BHMT: variants seen among roughly 807,000 people sequenced by gnomAD.
The protein encoded by BHMT is betaine--homocysteine S-methyltransferase.
BHMT carries 38 observed loss-of-function variants against 49.5 expected under a neutral mutation model. That is an observed-to-expected ratio of 0.77 (90% CI 0.59 to 1.01). The LOEUF (loss-of-function observed/expected upper bound fraction) is 1.01, where lower values mean the gene tolerates loss of function less well. Ranked by LOEUF, BHMT falls within the 50% of genes least tolerant of loss-of-function variation. BHMT has a pLI of 0.00. For missense variants in BHMT, 426 were observed against 495.7 expected, an observed-to-expected ratio of 0.86 and a Z score of 1.34; for synonymous variants, 166 against 176.3, an observed-to-expected ratio of 0.94 and a Z score of 0.46.
At chr5:79,121,642 A>G (rs902390087) in intron 5 of BHMT, among the ~76,000 whole-genome samples, 6 of 151,472 alleles carry the variant, frequency 4.0e-5, no homozygotes, top group Non-Finnish European at 8.8e-5. Context: ...GTGAAACCCC[A>G]CCTCTACTAA....
In BHMT at chr5:79,121,283, G is replaced by A; in HGVS notation, c.543G>A (p.Val181=). 1 of 1,614,200 alleles carries A rather than the reference G, an allele frequency of 6.2e-7. No homozygotes were observed. The change falls in exon 5 of 8, where the codon GTG becomes GTA. Residue 181 remains valine (V), a synonymous_variant. Transcript: ENST00000274353. ...CCTTGATAGCATCCGGTAAACCTGT[G>A]GCAGCAACCATGTGCATTGGCCCAG... The part of the protein sequence containing the change: ...VETLIASGKP[V]AATMCIGPEG...
chr5:79,113,296 T>C (rs1278833994), intron 1 of BHMT, among the ~76,000 whole-genome samples: 3 of 152,160 alleles, frequency 2.0e-5, no homozygotes, highest in Non-Finnish European at 4.4e-5. Flanking sequence ...ATGATTCCTA[T>C]AGATATAGAT....
Position 79,115,954 on chromosome 5 carries a change from A to G in BHMT, c.166+55A>G, listed in dbSNP as rs1756381239. Reference sequence around the variant, plus strand: ...ATAAAGGAGCCGGGTGTGGAGGCTCATGCCTGTAATCCCAGCAACTCAGGA... The same window carrying G: ...ATAAAGGAGCCGGGTGTGGAGGCTCGTGCCTGTAATCCCAGCAACTCAGGA... On this transcript the variant is annotated intron_variant, in intron 2 of 7. Transcript: ENST00000274353. 5 of 1,529,416 alleles carry G rather than the reference A, an allele frequency of 3.3e-6. No individual in the cohort carries two copies. The East Asian group carries it at 1.2e-4, about 36-fold the overall frequency. The allele number at this position is 1,529,416 out of a possible 1,614,324, so 94.7% of individuals were successfully genotyped here. A position where few individuals can be genotyped will look rare whatever the true frequency, so the allele number is the denominator to read the frequency against.
At chr5:79,116,464 G>C (rs1036187636) in intron 2 of BHMT, 2 of 152,164 alleles carry the variant, frequency 1.3e-5, no homozygotes, top group African/African-American at 4.8e-5. Flanking sequence ...CCCTGAAGCA[G>C]CTCCCATTGA....
rs776825529 is a variant in BHMT, at chr5:79,121,351, G to A, written c.611G>A (p.Arg204His). 8.1e-6 allele frequency: 13 copies of A among 1,614,128 alleles called. 1 individual carries two copies. The South Asian group carries it at 8.8e-5, about 11-fold the overall frequency. Residue 204 changes from arginine (R) to histidine (H), a missense_variant, in exon 5 of 8, where the codon CGC becomes CAC. This residue lies in a region of BHMT where 321 missense variants were observed against 355.9 expected (regional missense o/e 0.90). Transcript: ENST00000274353. ...GTGCCCCCCGGCGAGTGTGCAGTGC[G>A]CCTGGTGAAAGCAGGTGATGATAGA... Reference protein sequence around the residue: ...HGVPPGECAVRLVKAGASIIG... With the variant: ...HGVPPGECAVHLVKAGASIIG...
intron 7 of BHMT, 191 bp downstream of exon 7, chr5:79,128,174 T>G: frequency 3.8e-6 from 3 of 793,166 alleles, no homozygotes; most frequent in Non-Finnish European, 5.7e-6. Context: ...ATAGAACGTA[T>G]TTGACCTGAT....
Position 79,115,891 on chromosome 5 carries a change from C to T in BHMT, c.158C>T (p.Pro53Leu). Reference protein sequence around the residue: ...PWTPEAAVEHPEAVRQLHREF... With the variant: ...PWTPEAAVEHLEAVRQLHREF... The stretch of plus-strand genomic sequence containing the variant: ...ACTCCTGAAGCTGCTGTGGAGCACC[C>T]AGAAGCAGGTTGGTGCAGAGCTCTA... The change falls in exon 2 of 8, where the codon CCA becomes CTA. Residue 53 changes from proline (P) to leucine (L), a missense_variant. Physicochemically the swap from Pro to Leu is moderately conservative, Grantham distance 98. This residue lies in a region of BHMT where 321 missense variants were observed against 355.9 expected (regional missense o/e 0.90). Transcript: ENST00000274353. The T allele has an allele frequency of 6.2e-7, 1 of 1,613,094 alleles. No individual in the cohort carries two copies. The highest frequency in any genetic ancestry group is 8.5e-7 in the Non-Finnish European group (1 of 1,179,564).
At chr5:79,120,652 TA>T in intron 4 of BHMT, 111 bp downstream of exon 4, 10 of 987,476 alleles carry the variant, frequency 1.0e-5, no homozygotes, top group Non-Finnish European at 1.4e-5. Context: ...CTAGCAATAG[TA>T]ATATTTAGTT....
At chr5:79,115,572 C>T (rs1756375211) in intron 1 of BHMT, among the ~76,000 whole-genome samples, 195 bp from the exon 2 acceptor site, 1 of 152,004 alleles carries the variant, frequency 6.6e-6, no homozygotes, top group African/African-American at 2.4e-5. Context: ...AAGGAATACA[C>T]AAATGTTTAT....
At chr5:79,112,570 A>G (rs1014043396) in intron 1 of BHMT, among the ~76,000 whole-genome samples, 1 of 152,234 alleles carries the variant, frequency 6.6e-6, no homozygotes, top group Non-Finnish European at 1.5e-5. Flanking sequence ...GCAGATTTTC[A>G]CAGGCAATTT....
chr5:79,123,089 G>A (rs1206462500), intron 5 of BHMT, among the ~76,000 whole-genome samples: 3 of 152,200 alleles, frequency 2.0e-5, no homozygotes, highest in Admixed American at 6.5e-5. Context: ...TACTTGGACA[G>A]TGTGTGGGAA....
At chr5:79,121,495 T>C in intron 5 of BHMT, 130 bp downstream of exon 5, 1 of 1,283,990 alleles carries the variant, frequency 7.8e-7, no homozygotes, top group Non-Finnish European at 1.0e-6. Flanking sequence ...TGTAAGAATA[T>C]TGATATTATT....
At position 79,126,135 on chromosome 5, in the gene BHMT, C is replaced by T. The variant is rs758916006; in HGVS notation, c.715C>T (p.Arg239Ter). ...KLMKEGLEAA[R>*]LKAHLMSQPL... The stretch of plus-strand genomic sequence containing the variant: ...CATGAAGGAGGGCTTGGAGGCTGCC[C>T]GACTGAAAGCTCACCTGATGAGCCA... Residue 239 changes from arginine (R) to a stop codon, truncating the protein, a stop_gained, in exon 6 of 8, where the codon CGA (arginine) becomes TGA (stop). Transcript: ENST00000274353. LOFTEE classifies it high-confidence loss of function. 1.9e-6 allele frequency: 3 copies of T among 1,613,502 alleles called. No individual in the cohort carries two copies. The highest frequency in any genetic ancestry group is 1.1e-5 in the South Asian group (1 of 91,062).
intron 3 of BHMT, 99 bp downstream of exon 3, chr5:79,119,476 T>A: frequency 1.1e-6 from 1 of 898,228 alleles, no homozygotes; most frequent in Non-Finnish European, 1.7e-6. Context: ...TTCAGAGTTT[T>A]GTTTTATTTC....
intron 2 of BHMT, among the ~76,000 whole-genome samples, chr5:79,117,116 A>T (rs1220268465): frequency 1.3e-5 from 2 of 152,244 alleles, no homozygotes; most frequent in Admixed American, 6.5e-5. Context: ...CATGATGAAT[A>T]ATCAAGAGTG....
At chr5:79,127,402 A>C (rs1362366313) in intron 6 of BHMT, among the ~76,000 whole-genome samples, 1 of 152,100 alleles carries the variant, frequency 6.6e-6, no homozygotes, top group Non-Finnish European at 1.5e-5. Context: ...TGAGTGCTCC[A>C]AGAAAGTGCA....
intron 5 of BHMT, among the ~76,000 whole-genome samples, chr5:79,121,910 C>T (rs1756479140): frequency 6.6e-6 from 1 of 150,938 alleles, no homozygotes; most frequent in African/African-American, 2.4e-5. Flanking sequence ...TTAGAAAATG[C>T]TGTGTTAAAC....
At chr5:79,112,390 C>G (rs1235189551) in intron 1 of BHMT, among the ~76,000 whole-genome samples, 2 of 152,254 alleles carry the variant, frequency 1.3e-5, no homozygotes, top group Non-Finnish European at 2.9e-5. Flanking sequence ...CCCTCCGCAT[C>G]TGTGTCCGAG....
chr5:79,113,094 C>A (rs1756332569), intron 1 of BHMT, among the ~76,000 whole-genome samples: 1 of 152,170 alleles, frequency 6.6e-6, no homozygotes, highest in East Asian at 1.9e-4. Context: ...CCTCCCAAAT[C>A]AAAAAGACCT....
Sources: gnomAD v4.1 joint callset for allele counts (sites outside exome capture counted in the v4.1 genomes callset) on GRCh38, gnomAD v4.1.1 for gene constraint, gnomAD v4.1.1 regional missense constraint, MANE v1.5 for transcripts, NCBI Gene and HGNC (gene_info 2026-07-23, HGNC 2026-07-21) for gene names.